Variants in EEF2KMT observed in about 807,000 individuals in gnomAD.
EEF2KMT encodes protein-lysine N-methyltransferase EEF2KMT.
Under a neutral mutation model 35.1 loss-of-function variants are expected in EEF2KMT, and 30 were observed. The observed-to-expected ratio is 0.85, with a 90% CI of 0.64 to 1.16. The LOEUF is 1.16. Ranked by LOEUF, EEF2KMT falls within the 50% of genes most tolerant of loss-of-function variation. EEF2KMT has a pLI of 0.00. For synonymous variants in EEF2KMT, 190 were observed against 187.7 expected (o/e 1.01, Z -0.10); for missense variants, 499 against 438.2 (o/e 1.14, Z -1.24).
chr16:5,094,419 C>T (rs772634370), intron 2 of EEF2KMT, among the ~76,000 whole-genome samples: 3 of 152,152 alleles, frequency 2.0e-5, no homozygotes, highest in Non-Finnish European at 2.9e-5. Context: ...TGTACCACCA[C>T]GCCCAGCTAA....
chr16:5,086,754 C>T (rs532548218), intron 7 of EEF2KMT: 3 of 152,336 alleles, frequency 2.0e-5, no homozygotes, highest in East Asian at 3.9e-4. Flanking sequence ...CACTGCAACG[C>T]CTCCCAGGTT....
At chr16:5,085,805 C>T in intron 7 of EEF2KMT, 73 bp from the exon 8 acceptor site, 1 of 1,190,722 alleles carries the variant, frequency 8.4e-7, no homozygotes, top group South Asian at 1.2e-5. Context: ...TGTGGGGCTG[C>T]TAGGACAGGC....
rs1489644503 is a variant in EEF2KMT, at chr16:5,090,304, G to A, written c.522C>T (p.Ala174=). ...LGSGAGLTGL[A]ICKMCRPRAY... Reference sequence around the variant, plus strand: ...CCCGGGGGCGGCACATCTTGCAGATGGCCAGGCCTGTGAGGCCAGCACCAC... The same window carrying A: ...CCCGGGGGCGGCACATCTTGCAGATAGCCAGGCCTGTGAGGCCAGCACCAC... The change falls in exon 6 of 8, where the codon GCC becomes GCT. Residue 174 remains alanine, a synonymous_variant. Coordinates refer to ENST00000427587, the MANE Select transcript of EEF2KMT (RefSeq NM_201400.4). This position sits in a 1 kb window ranked among gnomAD's most constrained non-coding sequence, Gnocchi z 4.1. The A allele has an allele frequency of 6.2e-7, 1 of 1,612,076 alleles. No individual in the cohort carries two copies. The highest frequency in any genetic ancestry group is 2.3e-4 in the Middle Eastern group (1 of 4,430).
rs1386973241 is a variant in EEF2KMT, at chr16:5,084,363, C to T, written c.*1269G>A. ...CTGTGGGCTGGATTTGGCCTGCAGG[C>T]TGTAGTTTGTGATCCTTGATTCAGA... On this transcript the variant is annotated 3_prime_UTR_variant, in exon 8 of 8. Transcript: ENST00000427587. The T allele has an allele frequency of 2.5e-6, 1 of 402,396 alleles. No individual in the cohort carries two copies. The highest frequency in any genetic ancestry group is 4.7e-6 in the Non-Finnish European group (1 of 213,248). 24.9% of individuals were successfully genotyped at this position (402,396 alleles called of 1,614,324 possible).
Position 5,085,032 on chromosome 16 carries a change from C to G in EEF2KMT, c.*600G>C. On this transcript the variant is annotated 3_prime_UTR_variant, in exon 8 of 8. Coordinates refer to ENST00000427587, the MANE Select transcript of EEF2KMT (RefSeq NM_201400.4). Reference sequence around the variant, plus strand: ...GTACTGCCTGGTAAAAGAATTGGTTCTGTGACCCGGGAAGCTTTGGTTGGC... The same window carrying G: ...GTACTGCCTGGTAAAAGAATTGGTTGTGTGACCCGGGAAGCTTTGGTTGGC... 2 of 1,425,322 alleles carry G rather than the reference C, an allele frequency of 1.4e-6. No individual in the cohort carries two copies. Among genetic ancestry groups the G allele is most frequent in the Non-Finnish European group, 9.6e-7 (1 of 1,042,060 alleles). The allele number at this position is 1,425,322 out of a possible 1,614,324, so 88.3% of individuals were successfully genotyped here.
intron 7 of EEF2KMT, among the ~76,000 whole-genome samples, chr16:5,087,580 T>G (rs1421478977): frequency 1.3e-5 from 2 of 152,148 alleles, no homozygotes; most frequent in Non-Finnish European, 2.9e-5. Context: ...GGCAGATCAC[T>G]TGAGGTCAGG....
intron 7 of EEF2KMT, among the ~76,000 whole-genome samples, chr16:5,088,510 G>A (rs551402632): frequency 6.6e-6 from 1 of 152,246 alleles, no homozygotes; most frequent in South Asian, 2.1e-4. Flanking sequence ...AGGTGGCTGG[G>A]GTGCAGTCTG....
At position 5,084,663 on chromosome 16, in the gene EEF2KMT, G is replaced by A; in HGVS notation, c.*969C>T. 2 of 1,585,324 alleles carry A rather than the reference G, an allele frequency of 1.3e-6. No individual in the cohort carries two copies. Among genetic ancestry groups the A allele is most frequent in the Non-Finnish European group, 1.7e-6 (2 of 1,172,532 alleles). ...GGGACTTGGGAGGGGTTGTTGTTGG[G>A]TCGGGGACCTGGGGTCAGCCAGGTG... On this transcript the variant is annotated 3_prime_UTR_variant, in exon 8 of 8. Coordinates refer to ENST00000427587, the MANE Select transcript of EEF2KMT (RefSeq NM_201400.4).
Position 5,090,609 on chromosome 16 carries a change from G to A in EEF2KMT, c.343-44C>T. 1 of 1,611,156 alleles carries A rather than the reference G, an allele frequency of 6.2e-7. No individual in the cohort carries two copies. The highest frequency in any genetic ancestry group is 8.5e-7 in the Non-Finnish European group (1 of 1,179,286). On this transcript the variant is annotated intron_variant, in intron 4 of 7. Coordinates refer to ENST00000427587, the MANE Select transcript of EEF2KMT (RefSeq NM_201400.4). This position sits in a 1 kb window ranked among gnomAD's most constrained non-coding sequence, Gnocchi z 4.1. ...AGAGAGTCAGTCCAGCGATCAGAAG[G>A]CAAGTGGCTTAGAAGACAAGTAGCC...
At chr16:5,088,395 GTGCA>G (rs1957259530) in intron 7 of EEF2KMT, among the ~76,000 whole-genome samples, 1 of 152,214 alleles carries the variant, frequency 6.6e-6, no homozygotes, top group African/African-American at 2.4e-5. Context: ...GCTGCTGCAT[GTGCA>G]TCTGTGCACA....
intron 2 of EEF2KMT, among the ~76,000 whole-genome samples, chr16:5,095,136 A>C (rs992726800): frequency 1.3e-5 from 2 of 152,222 alleles, no homozygotes; most frequent in African/African-American, 4.8e-5. Flanking sequence ...CTGAACATCA[A>C]CCAAATGCTA....
rs572933292 is a variant in EEF2KMT at position 5,097,751 on chromosome 16, G to C, written c.-12C>G. On this transcript the variant is annotated 5_prime_UTR_variant, in exon 1 of 8. Coordinates refer to ENST00000427587, the MANE Select transcript of EEF2KMT (RefSeq NM_201400.4). The stretch of plus-strand genomic sequence containing the variant: ...TCCTCGGGCGCCATGACGTGGGCGG[G>C]GCCGCAGCGTTGCCGGCAGACCGGG... 44 of 1,551,384 alleles carry C rather than the reference G, an allele frequency of 2.8e-5. No individual in the cohort carries two copies. The highest frequency in any genetic ancestry group is 3.5e-5 in the Non-Finnish European group (40 of 1,154,344).
At position 5,085,606 on chromosome 16, in the gene EEF2KMT, A is replaced by C. The variant is rs780301989; in HGVS notation, c.*26T>G. 1.7e-5 allele frequency: 25 copies of C among 1,489,058 alleles called. No homozygotes were observed. Among genetic ancestry groups the C allele is most frequent in the Non-Finnish European group, 2.1e-5 (22 of 1,067,804 alleles). 92.2% of individuals were successfully genotyped at this position (1,489,058 alleles called of 1,614,324 possible). ...CCCATGAGAGTGACTTGATTCTCAC[A>C]ATCCCGTTGGAGTCGTGTGTGAGTC... On this transcript the variant is annotated 3_prime_UTR_variant, in exon 8 of 8. Coordinates refer to ENST00000427587, the MANE Select transcript of EEF2KMT (RefSeq NM_201400.4).
At chr16:5,087,302 T>C (rs1458296506) in intron 7 of EEF2KMT, 3 of 152,248 alleles carry the variant, frequency 2.0e-5, no homozygotes, top group East Asian at 3.8e-4. Flanking sequence ...AAGACTGCTA[T>C]ATGTATATTC....
chr16:5,092,065 C>A lies in EEF2KMT; in HGVS notation c.241-170G>T. Reference sequence around the variant, plus strand: ...GGCTTGGTGGTGTGTGCCGAATAGTCCCAGCTACTCTAGAGGCTGACATGG... The same window carrying A: ...GGCTTGGTGGTGTGTGCCGAATAGTACCAGCTACTCTAGAGGCTGACATGG... On this transcript the variant is annotated intron_variant, in intron 3 of 7. Transcript: ENST00000427587. 2.4e-6 allele frequency: 3 copies of A among 1,269,906 alleles called. No individual in the cohort carries two copies. In the South Asian group the frequency reaches 4.3e-5, roughly 18 times the overall value. 78.7% of individuals were successfully genotyped at this position (1,269,906 alleles called of 1,614,324 possible).
intron 7 of EEF2KMT, among the ~76,000 whole-genome samples, chr16:5,088,665 C>T (rs1957269152): frequency 1.3e-5 from 2 of 152,136 alleles, no homozygotes; most frequent in Admixed American, 1.3e-4. Context: ...GGGCCAGTTC[C>T]CCTTCTCTAC....
At position 5,090,002 on chromosome 16, in the gene EEF2KMT, A is replaced by C; in HGVS notation, c.742+82T>G. Reference sequence around the variant, plus strand: ...ATCATGTCCATGCCCGACAGCGTCCATTGTTCCCTTTTCCCAGAGCCAAGA... The same window carrying C: ...ATCATGTCCATGCCCGACAGCGTCCCTTGTTCCCTTTTCCCAGAGCCAAGA... On this transcript the variant is annotated intron_variant, in intron 6 of 7. Coordinates refer to ENST00000427587, the MANE Select transcript of EEF2KMT (RefSeq NM_201400.4). This position sits in a 1 kb window ranked among gnomAD's most constrained non-coding sequence, Gnocchi z 4.1. 6.3e-7 allele frequency: 1 copy of C among 1,581,450 alleles called. No homozygotes were observed. Among genetic ancestry groups the C allele is most frequent in the Non-Finnish European group, 8.5e-7 (1 of 1,171,772 alleles).
intron 1 of EEF2KMT, among the ~76,000 whole-genome samples, chr16:5,096,652 C>G (rs3965789): frequency 6.6e-6 from 1 of 152,148 alleles, no homozygotes; most frequent in Non-Finnish European, 1.5e-5. Context: ...GGCCAGGATT[C>G]GAAGCAGACA....
At chr16:5,089,511 G>A (rs1209347626) in intron 6 of EEF2KMT, 2 of 585,584 alleles carry the variant, frequency 3.4e-6, no homozygotes, top group South Asian at 2.1e-5. Context: ...AACCAGCTCT[G>A]GTTCTTGGCC....
Sources: gnomAD v4.1 joint callset for allele counts (sites outside exome capture counted in the v4.1 genomes callset) on GRCh38, gnomAD v4.1.1 for gene constraint, Gnocchi (gnomAD v3.1) non-coding constraint, MANE v1.5 for transcripts, NCBI Gene and HGNC (gene_info 2026-07-23, HGNC 2026-07-21) for gene names.